Variants in SRPK2 observed in about 807,000 individuals in gnomAD.
SRPK2 encodes SFRS protein kinase 2.
In SRPK2, 21 loss-of-function variants were observed where a neutral mutation model predicts 90.8. The ratio of observed to expected loss-of-function variants is 0.23; its 90% CI spans 0.16 to 0.33. The LOEUF (loss-of-function observed/expected upper bound fraction) is 0.33. Ranked by LOEUF, SRPK2 falls within the 10% of genes least tolerant of loss-of-function variation. The pLI, the probability that SRPK2 is intolerant of heterozygous loss-of-function variation, is 1.00. For missense variants in SRPK2, 620 were observed against 869.0 expected, an observed-to-expected ratio of 0.71 and a Z score of 3.60; for synonymous variants, 288 against 311.1, an observed-to-expected ratio of 0.93 and a Z score of 0.78.
rs533904971 is a variant in SRPK2, at chr7:105,385,219, C to T, written c.71+3429G>A. ...TTTTTGAGATGGAGTCTCGCTCTGT[C>T]GCCCAAGCTGGAGTGCAGTGGCACA... On this transcript the variant is annotated intron_variant, in intron 2 of 15. Coordinates refer to ENST00000393651, the MANE Select transcript of SRPK2 (RefSeq NM_182692.3). Among the ~76,000 whole-genome samples, 7 of 116,796 alleles carry T rather than the reference C, an allele frequency of 6.0e-5. No individual in the cohort carries two copies. In the East Asian group the frequency reaches 1.8e-3, roughly 31 times the overall value. 76.6% of individuals were successfully genotyped at this position (116,796 alleles called of 152,430 possible).
intron 2 of SRPK2, among the ~76,000 whole-genome samples, chr7:105,374,640 G>A (rs1162828208): frequency 3.9e-5 from 6 of 151,946 alleles, no homozygotes; most frequent in Non-Finnish European, 7.4e-5. Context: ...AGTCTCATTC[G>A]GTCGCCCAGG....
chr7:105,306,198 T>C (rs888938601), intron 2 of SRPK2: 3 of 171,084 alleles, frequency 1.8e-5, no homozygotes, highest in African/African-American at 7.2e-5. Flanking sequence ...ATGAGAATTT[T>C]TGCTGGTATT....
intron 2 of SRPK2, among the ~76,000 whole-genome samples, chr7:105,311,186 C>T (rs1456731504): frequency 6.6e-6 from 1 of 151,834 alleles, no homozygotes; most frequent in African/African-American, 2.4e-5. Context: ...TCTTACAACC[C>T]ACCAACAAAA....
intron 2 of SRPK2, among the ~76,000 whole-genome samples, chr7:105,327,302 G>C (rs1032817791): frequency 2.5e-4 from 38 of 152,298 alleles, no homozygotes; most frequent in African/African-American, 8.7e-4. Flanking sequence ...CATAAACGAA[G>C]TTTGATTGGA....
At chr7:105,159,020 G>A (rs1807006566) in intron 7 of SRPK2, among the ~76,000 whole-genome samples, 1 of 152,022 alleles carries the variant, frequency 6.6e-6, no homozygotes, top group African/African-American at 2.4e-5. Flanking sequence ...AGGGCAAACA[G>A]ATACAGTACT....
intron 2 of SRPK2, among the ~76,000 whole-genome samples, chr7:105,335,565 G>C (rs1327590076): frequency 6.6e-6 from 1 of 151,644 alleles, no homozygotes; most frequent in Non-Finnish European, 1.5e-5. Context: ...GCTGAGGTGG[G>C]AGGCTCGACT....
rs147798021 is a variant in SRPK2, at chr7:105,196,628, G to A, written c.229+7000C>T. ...CCCAGGGGTCAAAACCGCACCCAGC[G>A]AAGAACCTCTGATGTAACACAGCCA... is the stretch of plus-strand genomic sequence containing the variant. On this transcript the variant is annotated intron_variant, in intron 3 of 15. Coordinates refer to ENST00000393651, the MANE Select transcript of SRPK2 (RefSeq NM_182692.3). 4.0e-3 allele frequency among the ~76,000 whole-genome samples: 604 copies of A among 152,314 alleles called. 1 individual carries two copies. The highest frequency in any genetic ancestry group is 0.012 in the African/African-American group (496 of 41,572).
intron 2 of SRPK2, among the ~76,000 whole-genome samples, chr7:105,255,196 G>A (rs964101694): frequency 1.5e-5 from 2 of 134,844 alleles, no homozygotes; most frequent in Non-Finnish European, 3.4e-5. Context: ...TTCTACCGGG[G>A]AAACTAATAT....
At chr7:105,383,047 GT>G in intron 2 of SRPK2, among the ~76,000 whole-genome samples, 1 of 92,056 alleles carries the variant, frequency 1.1e-5, no homozygotes, top group Middle Eastern at 6.0e-3. Context: ...TATTTCAAAA[GT>G]AAAAATTTTT....
intron 13 of SRPK2, among the ~76,000 whole-genome samples, chr7:105,128,325 C>A (rs1403398681): frequency 1.3e-5 from 2 of 152,200 alleles, no homozygotes; most frequent in Non-Finnish European, 2.9e-5. Context: ...TGTCACATCT[C>A]AGCATGGTGA....
chr7:105,170,836 G>GAAGAAAGAAAGAAAGAAAGAAAGAAAGA (rs749022069), intron 3 of SRPK2, among the ~76,000 whole-genome samples: 1 of 40,158 alleles, frequency 2.5e-5, no homozygotes, highest in Non-Finnish European at 4.2e-5. Context: ...AGAAAGAAAG[G>GAAGAAAGAAAGAAAGAAAGAAAGAAAGA]AAGAAAGAAA....
intron 2 of SRPK2, among the ~76,000 whole-genome samples, chr7:105,316,804 C>T (rs1812360458): frequency 6.6e-6 from 1 of 152,168 alleles, no homozygotes; most frequent in Admixed American, 6.6e-5. Flanking sequence ...GACTAGTTCC[C>T]GCCCACTGGC....
At chr7:105,290,502 A>T (rs1222380944) in intron 2 of SRPK2, among the ~76,000 whole-genome samples, 1 of 152,026 alleles carries the variant, frequency 6.6e-6, no homozygotes, top group East Asian at 1.9e-4. Flanking sequence ...TGTCTCAAAA[A>T]AACAAACAAA....
At position 105,226,068 on chromosome 7, in the gene SRPK2, T is replaced by C. The variant is rs141151648; in HGVS notation, c.72-22283A>G. On this transcript the variant is annotated intron_variant, in intron 2 of 15. Coordinates refer to ENST00000393651, the MANE Select transcript of SRPK2 (RefSeq NM_182692.3). ...TTATCTTTAAAATGTAGCTTGTTAC[T>C]ACCAAGTAAGAAGTTCTGTTAAGTC... Among the ~76,000 whole-genome samples the C allele has an allele frequency of 3.3e-3, 510 of 152,338 alleles. 7 individuals carry two copies. Among genetic ancestry groups the C allele is most frequent in the African/African-American group, 0.011 (445 of 41,586 alleles).
chr7:105,240,521 T>C (rs1040642289), intron 2 of SRPK2, among the ~76,000 whole-genome samples: 5 of 152,210 alleles, frequency 3.3e-5, no homozygotes, highest in African/African-American at 1.2e-4. Context: ...AGAAATCATG[T>C]GATTTATTAT....
chr7:105,176,382 A>G (rs1791847913), intron 3 of SRPK2, among the ~76,000 whole-genome samples: 2 of 152,296 alleles, frequency 1.3e-5, no homozygotes, highest in South Asian at 4.1e-4. Flanking sequence ...TTTCCCCCTA[A>G]TATCAGAAAC....
chr7:105,125,632 T>C, intron 15 of SRPK2: 1 of 314,138 alleles, frequency 3.2e-6, no homozygotes, highest in Admixed American at 4.6e-5. Context: ...AGGTATCAGA[T>C]GGGTCAGGTT....
intron 2 of SRPK2, among the ~76,000 whole-genome samples, chr7:105,378,392 A>AT (rs1360092891): frequency 2.0e-5 from 3 of 151,986 alleles, no homozygotes; most frequent in Non-Finnish European, 4.4e-5. Context: ...ACGACACAAT[A>AT]TTTTTTTTAA....
chr7:105,344,147 C>T (rs1816165456), intron 2 of SRPK2, among the ~76,000 whole-genome samples: 1 of 152,088 alleles, frequency 6.6e-6, no homozygotes, highest in South Asian at 2.1e-4. Flanking sequence ...AAATGGTGAA[C>T]CTTACAAAAC....
Sources: gnomAD v4.1 joint callset for allele counts (sites outside exome capture counted in the v4.1 genomes callset) on GRCh38, gnomAD v4.1.1 for gene constraint, MANE v1.5 for transcripts, NCBI Gene and HGNC (gene_info 2026-07-23, HGNC 2026-07-21) for gene names.